The following THAP12 variants were observed in gnomAD, a reference collection of about 807,000 sequenced individuals.
THAP12 encodes THAP domain containing 12.
In THAP12, 20 loss-of-function variants were observed where a neutral mutation model predicts 63.0. The ratio of observed to expected loss-of-function variants is 0.32; its 90% CI spans 0.22 to 0.46. The LOEUF is 0.46. Among genes scored for constraint, THAP12 ranks in the 20% least tolerant of loss-of-function variants. THAP12 has a pLI of 1.00. For missense variants in THAP12, 568 were observed against 908.2 expected (o/e 0.63, Z 4.81); for synonymous variants, 264 against 328.4 (o/e 0.80, Z 2.12).
intron 1 of THAP12, among the ~76,000 whole-genome samples, chr11:76,380,471 C>A (rs1249680548): frequency 1.3e-5 from 2 of 152,216 alleles, no homozygotes; most frequent in Non-Finnish European, 2.9e-5. Context: ...CCCACAGCAT[C>A]CCGCGTCCGC....
chr11:76,378,307 C>T (rs1349000720), intron 1 of THAP12, among the ~76,000 whole-genome samples: 1 of 152,164 alleles, frequency 6.6e-6, no homozygotes, highest in Non-Finnish European at 1.5e-5. Context: ...CCTGCAATCC[C>T]AGCTACCTGG....
At chr11:76,375,457 A>T (rs1946702853) in intron 1 of THAP12, among the ~76,000 whole-genome samples, 1 of 150,474 alleles carries the variant, frequency 6.6e-6, no homozygotes, top group Admixed American at 6.6e-5. Context: ...TCACTTTTTT[A>T]AAAAAGAAGC....
At position 76,352,826 on chromosome 11, in the gene THAP12, G is replaced by A. The variant is rs202096026; in HGVS notation, c.356-32C>T. 96 of 1,499,660 alleles carry A rather than the reference G, an allele frequency of 6.4e-5. 1 individual carries two copies. Among genetic ancestry groups the A allele is most frequent in the Non-Finnish European group, 7.1e-5 (80 of 1,126,594 alleles). 92.9% of individuals were successfully genotyped at this position (1,499,660 alleles called of 1,614,324 possible). On this transcript the variant is annotated intron_variant, in intron 4 of 4. Transcript: ENST00000260045. ...AACAAAGAATTAATTTTACAAACAG[G>A]CTCATGAAAAACCATACACAACAAA... is the stretch of plus-strand genomic sequence containing the variant.
At chr11:76,372,266 C>T (rs559879420) in intron 1 of THAP12, among the ~76,000 whole-genome samples, 1 of 152,068 alleles carries the variant, frequency 6.6e-6, no homozygotes, top group Admixed American at 6.5e-5. Flanking sequence ...TTTCTGTACA[C>T]ACCTTAAACA....
chr11:76,378,936 G>C (rs549134824), intron 1 of THAP12, among the ~76,000 whole-genome samples: 1 of 152,144 alleles, frequency 6.6e-6, no homozygotes, highest in South Asian at 2.1e-4. Context: ...ATGTCTATCA[G>C]GTCTCTCAAA....
At chr11:76,377,265 A>G (rs971597871) in intron 1 of THAP12, among the ~76,000 whole-genome samples, 1 of 152,234 alleles carries the variant, frequency 6.6e-6, no homozygotes, top group Admixed American at 6.5e-5. Context: ...TTCTCATAAC[A>G]TAAAACTAAC....
chr11:76,379,783 T>C (rs1401498192), intron 1 of THAP12, among the ~76,000 whole-genome samples: 1 of 152,136 alleles, frequency 6.6e-6, no homozygotes, highest in Non-Finnish European at 1.5e-5. Flanking sequence ...GTAATCTTCA[T>C]GAAAGCAAGG....
intron 1 of THAP12, among the ~76,000 whole-genome samples, chr11:76,369,236 T>C (rs1370335030): frequency 1.3e-5 from 2 of 152,172 alleles, no homozygotes; most frequent in African/African-American, 4.8e-5. Flanking sequence ...AAAGAGGTAA[T>C]ACCAAATATT....
At chr11:76,354,994 A>G (rs1946551342) in intron 4 of THAP12, among the ~76,000 whole-genome samples, 1 of 152,252 alleles carries the variant, frequency 6.6e-6, no homozygotes, top group South Asian at 2.1e-4. Flanking sequence ...AATTAAATTA[A>G]TTAATACAAG....
intron 1 of THAP12, among the ~76,000 whole-genome samples, chr11:76,375,420 T>G (rs971972062): frequency 2.0e-5 from 3 of 151,346 alleles, no homozygotes; most frequent in Non-Finnish European, 4.4e-5. Flanking sequence ...TTAAACCGTG[T>G]CACTGACCTA....
intron 2 of THAP12, among the ~76,000 whole-genome samples, chr11:76,362,771 T>C (rs968708215): frequency 3.9e-5 from 6 of 152,238 alleles, no homozygotes; most frequent in Admixed American, 3.3e-4. Flanking sequence ...ATCAAATTGA[T>C]TTTCTATTTG....
chr11:76,369,160 C>T (rs1357925462), intron 1 of THAP12, among the ~76,000 whole-genome samples: 1 of 152,092 alleles, frequency 6.6e-6, no homozygotes, highest in East Asian at 1.9e-4. Context: ...TCTCATTTGC[C>T]ATCAGGGAAA....
At chr11:76,355,238 C>A (rs546400384) in intron 4 of THAP12, among the ~76,000 whole-genome samples, 6 of 152,314 alleles carry the variant, frequency 3.9e-5, no homozygotes, top group African/African-American at 1.4e-4. Context: ...GCATTTAGTC[C>A]TTAAACATTT....
At chr11:76,365,645 C>T (rs1439423865) in intron 2 of THAP12, among the ~76,000 whole-genome samples, 1 of 152,170 alleles carries the variant, frequency 6.6e-6, no homozygotes, top group African/African-American at 2.4e-5. Flanking sequence ...CCTCGGCCTC[C>T]CAAAGTGCTG....
At chr11:76,368,328 A>G (rs1273430439) in intron 1 of THAP12, among the ~76,000 whole-genome samples, 1 of 152,224 alleles carries the variant, frequency 6.6e-6, no homozygotes, top group Non-Finnish European at 1.5e-5. Context: ...TAAATACACA[A>G]GTTTATGAAC....
At position 76,352,322 on chromosome 11, in the gene THAP12, T is replaced by A; in HGVS notation, c.828A>T (p.Leu276=). 1 of 1,611,910 alleles carries A rather than the reference T, an allele frequency of 6.2e-7. No individual in the cohort carries two copies. Among genetic ancestry groups the A allele is most frequent in the Non-Finnish European group, 8.5e-7 (1 of 1,179,820 alleles). Reference sequence around the variant, plus strand: ...CATCAACAAACCTCACCAACACAGGTAGGTGCTCTTCCCCTGCTATGTCCA... The same window carrying A: ...CATCAACAAACCTCACCAACACAGGAAGGTGCTCTTCCCCTGCTATGTCCA... ...DVVDIAGEEH[L]PVLVRFVDES... The change falls in exon 5 of 5, where the codon CTA becomes CTT. Residue 276 remains leucine, a synonymous_variant. Transcript: ENST00000260045.
At chr11:76,366,684 A>G (rs1473041177) in intron 1 of THAP12, among the ~76,000 whole-genome samples, 2 of 139,368 alleles carry the variant, frequency 1.4e-5, no homozygotes, top group Non-Finnish European at 3.3e-5. Flanking sequence ...CCGTCTCGGA[A>G]AAAAAAAAAA....
At chr11:76,354,167 G>A (rs1946545447) in intron 4 of THAP12, among the ~76,000 whole-genome samples, 2 of 152,222 alleles carry the variant, frequency 1.3e-5, no homozygotes, top group Non-Finnish European at 2.9e-5. Context: ...GAAGCAGGCT[G>A]CCCAAGTACA....
chr11:76,366,603 C>A (rs1266581028), intron 1 of THAP12, among the ~76,000 whole-genome samples: 1 of 151,962 alleles, frequency 6.6e-6, no homozygotes, highest in Non-Finnish European at 1.5e-5. Flanking sequence ...ATGGCGTGAA[C>A]CCGGGAGGCG....
Sources: allele counts gnomAD v4.1 joint callset (sites outside exome capture counted in the v4.1 genomes callset), GRCh38; gene constraint gnomAD v4.1.1; transcripts MANE v1.5; gene names NCBI Gene and HGNC (gene_info 2026-07-23, HGNC 2026-07-21).